The following PIEZO2 variants were observed in gnomAD, a reference collection of about 807,000 sequenced individuals.
The protein encoded by PIEZO2 is piezo type mechanosensitive ion channel component 2, also known as piezo-type mechanosensitive ion channel component 2.
PIEZO2 carries 172 observed loss-of-function variants against 337.3 expected under a neutral mutation model. The observed-to-expected ratio is 0.51, with a 90% CI of 0.45 to 0.58. The LOEUF is 0.58. Among genes scored for constraint, PIEZO2 ranks in the 20% least tolerant of loss-of-function variants. The pLI, the probability that PIEZO2 is intolerant of heterozygous loss-of-function variation, is 0.00. For missense variants in PIEZO2, 3,028 were observed against 3,391.3 expected (o/e 0.89, Z 2.66); for synonymous variants, 1,251 against 1,228.5 (o/e 1.02, Z -0.38).
At chr18:11,020,187 T>G (rs1352771170) in intron 2 of PIEZO2, among the ~76,000 whole-genome samples, 1 of 152,208 alleles carries the variant, frequency 6.6e-6, no homozygotes, top group African/African-American at 2.4e-5. Context: ...GAGACCACTT[T>G]TAAAAGATGA....
intron 4 of PIEZO2, among the ~76,000 whole-genome samples, chr18:10,887,368 C>T (rs948739731): frequency 5.3e-5 from 8 of 151,850 alleles, no homozygotes; most frequent in Admixed American, 1.3e-4. Flanking sequence ...CGCTCCTGGC[C>T]GACACACATT....
intron 3 of PIEZO2, among the ~76,000 whole-genome samples, chr18:10,936,719 A>T (rs976758909): frequency 6.6e-6 from 1 of 152,252 alleles, no homozygotes; most frequent in African/African-American, 2.4e-5. Flanking sequence ...TCAAAAACAT[A>T]GCCCAGTGGA....
At position 11,126,477 on chromosome 18, in the gene PIEZO2, G is replaced by A. The variant is rs1181504325; in HGVS notation, c.64+22048C>T. Among the ~76,000 whole-genome samples, 2 of 152,072 alleles carry A rather than the reference G, an allele frequency of 1.3e-5. No individual in the cohort carries two copies. Among genetic ancestry groups the A allele is most frequent in the African/African-American group, 4.8e-5 (2 of 41,414 alleles). On this transcript the variant is annotated intron_variant, in intron 1 of 55. Transcript: ENST00000674853. This position sits in a 1 kb window ranked among gnomAD's most constrained non-coding sequence, Gnocchi z 4.6. ...AGTCCTCTTCCCACCTTTAGTGCCA[G>A]TTTCTTGGTCATCTCCCGCCATCAT...
chr18:10,773,950 A>C lies in PIEZO2; in HGVS notation c.2567+56T>G. 1 of 701,922 alleles carries C rather than the reference A, an allele frequency of 1.4e-6. No homozygotes were observed. The highest frequency in any genetic ancestry group is 1.5e-5 in the South Asian group (1 of 67,404). The allele number at this position is 701,922 out of a possible 1,614,324, so 43.5% of individuals were successfully genotyped here. On this transcript the variant is annotated intron_variant, in intron 19 of 55. Coordinates refer to ENST00000674853, the MANE Select transcript of PIEZO2 (RefSeq NM_001378183.1). This position sits in a 1 kb window ranked among gnomAD's most constrained non-coding sequence, Gnocchi z 5.3. ...AAATGGTCAGAGTTTAGGGTGTAGA[A>C]GCATGAAATGGCATCATGTAGAGCA...
chr18:10,861,781 G>A lies in PIEZO2; in HGVS notation c.493-4570C>T. On this transcript the variant is annotated intron_variant, in intron 5 of 55. Transcript: ENST00000674853. This position sits in a 1 kb window ranked among gnomAD's most constrained non-coding sequence, Gnocchi z 4.3. ...GCCTATAATCCCAGCACCTTGGGAAGCTGAGGCAGGTGGATCACCTGAGGT... is the reference window on the plus strand; with the variant it reads ...GCCTATAATCCCAGCACCTTGGGAAACTGAGGCAGGTGGATCACCTGAGGT... Among the ~76,000 whole-genome samples, 1 of 152,250 alleles carries A rather than the reference G, an allele frequency of 6.6e-6. No individual in the cohort carries two copies.
At chr18:11,133,903 A>G (rs974404074) in intron 1 of PIEZO2, among the ~76,000 whole-genome samples, 1 of 152,088 alleles carries the variant, frequency 6.6e-6, no homozygotes, top group Non-Finnish European at 1.5e-5. Context: ...CACACATATC[A>G]TATTAGTCTG....
Position 10,726,328 on chromosome 18 carries a change from C to A in PIEZO2, c.5029+5079G>T, listed in dbSNP as rs2036537291. On this transcript the variant is annotated intron_variant, in intron 36 of 55. Coordinates refer to ENST00000674853, the MANE Select transcript of PIEZO2 (RefSeq NM_001378183.1). The surrounding 1 kb of genome is among the most constrained non-coding windows in gnomAD (Gnocchi z 5.9). ...CAGGTGGAGCAGGTGGGTCCCCGAA[C>A]GCCCCGCCCAGCGCTGCCTCCCTTC... 17 of 1,412,728 alleles carry A rather than the reference C, an allele frequency of 1.2e-5. No individual in the cohort carries two copies. In the South Asian group the frequency reaches 2.0e-4, roughly 17 times the overall value. The allele number at this position is 1,412,728 out of a possible 1,614,324, so 87.5% of individuals were successfully genotyped here. A position where few individuals can be genotyped will look rare whatever the true frequency, so the allele number is the denominator to read the frequency against.
chr18:10,972,371 C>A (rs920909235), intron 3 of PIEZO2, among the ~76,000 whole-genome samples: 1 of 151,978 alleles, frequency 6.6e-6, no homozygotes, highest in African/African-American at 2.4e-5. Context: ...GTCATGGGAG[C>A]AGATGACAAG....
At chr18:10,938,258 T>C (rs1043054713) in intron 3 of PIEZO2, among the ~76,000 whole-genome samples, 2 of 152,210 alleles carry the variant, frequency 1.3e-5, no homozygotes, top group Non-Finnish European at 2.9e-5. Context: ...TAAGACTGAT[T>C]TCCTATGTTT....
chr18:11,076,936 TAAA>T (rs1422635931), intron 1 of PIEZO2, among the ~76,000 whole-genome samples: 1 of 152,198 alleles, frequency 6.6e-6, no homozygotes, highest in Non-Finnish European at 1.5e-5. Context: ...AAGTTGTACT[TAAA>T]ACCCAAATCC....
chr18:10,990,178 G>A (rs1304748206), intron 2 of PIEZO2, among the ~76,000 whole-genome samples: 1 of 152,022 alleles, frequency 6.6e-6, no homozygotes, highest in Non-Finnish European at 1.5e-5. Context: ...TGTTAAAATG[G>A]TAAGAAACAA....
chr18:11,065,962 C>T (rs1312529532), intron 2 of PIEZO2, among the ~76,000 whole-genome samples, 165 bp downstream of exon 2: 1 of 152,184 alleles, frequency 6.6e-6, no homozygotes, highest in Non-Finnish European at 1.5e-5. Flanking sequence ...TTCTATACAG[C>T]TCTACTTAGT....
chr18:11,120,282 A>G (rs2039993356), intron 1 of PIEZO2, among the ~76,000 whole-genome samples: 2 of 152,254 alleles, frequency 1.3e-5, no homozygotes, highest in South Asian at 4.1e-4. Context: ...GTTCGGAGGC[A>G]TCTTTTGCAT....
chr18:11,005,151 T>C (rs2035674823), intron 2 of PIEZO2, among the ~76,000 whole-genome samples: 1 of 152,200 alleles, frequency 6.6e-6, no homozygotes, highest in Non-Finnish European at 1.5e-5. Context: ...CTACAAATGG[T>C]AATGAATGGG....
In PIEZO2 at chr18:10,856,902, ACAGACTGTTTCCTT is replaced by A; in HGVS notation, c.703+85_703+98del. 1 of 1,092,526 alleles carries A rather than the reference ACAGACTGTTTCCTT, an allele frequency of 9.2e-7. No homozygotes were observed. The highest frequency in any genetic ancestry group is 1.5e-5 in the South Asian group (1 of 68,452). 67.7% of individuals were successfully genotyped at this position (1,092,526 alleles called of 1,614,324 possible). ...ACAGTTATGATATTCATGTGGTGGA[ACAGACTGTTTCCTT>A]CATTTCTTCTTCAACCATTTCTCTC... On this transcript the variant is annotated intron_variant, in intron 6 of 55. Coordinates refer to ENST00000674853, the MANE Select transcript of PIEZO2 (RefSeq NM_001378183.1). The surrounding 1 kb of genome is among the most constrained non-coding windows in gnomAD (Gnocchi z 4.7).
In PIEZO2 at chr18:10,722,099, T is replaced by G. The variant is rs550653817; in HGVS notation, c.5030-3840A>C. ...TCGGGAGACGGAGGTTGCAATGAGC[T>G]GATTTTGTGCAACTTCACTCAAGCC... On this transcript the variant is annotated intron_variant, in intron 36 of 55. Transcript: ENST00000674853. Among the ~76,000 whole-genome samples, 15 of 148,112 alleles carry G rather than the reference T, an allele frequency of 1.0e-4. No homozygotes were observed. The East Asian group carries it at 2.2e-3, about 22-fold the overall frequency.
Position 10,759,452 on chromosome 18 carries a change from A to C in PIEZO2, c.3757+30T>G. The C allele has an allele frequency of 6.6e-7, 1 of 1,505,340 alleles. No individual in the cohort carries two copies. The highest frequency in any genetic ancestry group is 8.9e-7 in the Non-Finnish European group (1 of 1,119,092). The allele number at this position is 1,505,340 out of a possible 1,614,324, so 93.2% of individuals were successfully genotyped here. ...ATTAACAGTAAACCCGGATACCAGCACTCTGTGGCCCTGCAGTGGAAACAC... is the reference window on the plus strand; with the variant it reads ...ATTAACAGTAAACCCGGATACCAGCCCTCTGTGGCCCTGCAGTGGAAACAC... On this transcript the variant is annotated intron_variant, in intron 26 of 55. Coordinates refer to ENST00000674853, the MANE Select transcript of PIEZO2 (RefSeq NM_001378183.1). This position sits in a 1 kb window ranked among gnomAD's most constrained non-coding sequence, Gnocchi z 5.5.
chr18:10,914,424 T>C (rs888351030), intron 3 of PIEZO2, among the ~76,000 whole-genome samples: 16 of 152,142 alleles, frequency 1.1e-4, no homozygotes, highest in African/African-American at 3.4e-4. Context: ...ATGTCCCTCA[T>C]ATAAAACAGT....
chr18:11,100,620 G>C (rs916419030), intron 1 of PIEZO2, among the ~76,000 whole-genome samples: 4 of 151,936 alleles, frequency 2.6e-5, no homozygotes, highest in Non-Finnish European at 5.9e-5. Flanking sequence ...TTTTGAGACG[G>C]AGTCTCACTC....
Sources: allele counts gnomAD v4.1 joint callset (sites outside exome capture counted in the v4.1 genomes callset), GRCh38; gene constraint gnomAD v4.1.1; non-coding constraint Gnocchi (gnomAD v3.1); transcripts MANE v1.5; gene names NCBI Gene and HGNC (gene_info 2026-07-23, HGNC 2026-07-21).